Variants in ZEB1 observed in about 807,000 individuals in gnomAD.
ZEB1 encodes the protein zinc finger E-box-binding homeobox 1.
In ZEB1, 21 loss-of-function variants were observed where a neutral mutation model predicts 84.9. That is an observed-to-expected ratio of 0.25 (90% confidence interval 0.18 to 0.36). The LOEUF is 0.36. Ranked by LOEUF, ZEB1 falls within the 10% of genes least tolerant of loss-of-function variation. The pLI is 1.00. For missense variants in ZEB1, 1,104 were observed against 1,330.2 expected, an observed-to-expected ratio of 0.83 and a Z score of 2.65; for synonymous variants, 420 against 471.1, an observed-to-expected ratio of 0.89 and a Z score of 1.41.
chr10:31,473,282 G>T (rs1359540721), intron 2 of ZEB1, among the ~76,000 whole-genome samples: 7 of 148,844 alleles, frequency 4.7e-5, no homozygotes, highest in African/African-American at 1.2e-4. Context: ...CCTGTTTGCA[G>T]ACGACATGAT....
intron 1 of ZEB1, among the ~76,000 whole-genome samples, chr10:31,457,683 TG>T: frequency 6.6e-6 from 1 of 152,186 alleles, no homozygotes; most frequent in Admixed American, 6.5e-5. Context: ...TCCCAGAAAG[TG>T]ATAGGCAGTC....
chr10:31,398,065 T>C (rs889886305), intron 1 of ZEB1, among the ~76,000 whole-genome samples: 3 of 152,210 alleles, frequency 2.0e-5, no homozygotes, highest in Non-Finnish European at 4.4e-5. Context: ...AGTAATCTAC[T>C]TCAAAGAACT....
chr10:31,338,340 G>A (rs780030264), intron 1 of ZEB1, among the ~76,000 whole-genome samples: 22 of 152,090 alleles, frequency 1.4e-4, no homozygotes, highest in Non-Finnish European at 2.4e-4. Flanking sequence ...GCAACCCTAT[G>A]AGAAAGATCC....
chr10:31,441,365 T>G (rs929780055), intron 1 of ZEB1, among the ~76,000 whole-genome samples: 2 of 152,226 alleles, frequency 1.3e-5, no homozygotes, highest in Admixed American at 6.5e-5. Flanking sequence ...TGTGGAAAGC[T>G]GAAACTGGAT....
chr10:31,465,444 C>A (rs927435005), intron 2 of ZEB1, among the ~76,000 whole-genome samples: 12 of 150,850 alleles, frequency 8.0e-5, no homozygotes, highest in African/African-American at 2.9e-4. Context: ...AAAGATAAAC[C>A]ATGCGATTGC....
chr10:31,458,541 G>A (rs1053166660), intron 1 of ZEB1, among the ~76,000 whole-genome samples: 9 of 151,980 alleles, frequency 5.9e-5, no homozygotes, highest in African/African-American at 9.7e-5. Flanking sequence ...ATCTTGACAC[G>A]TATTTTCTCA....
At chr10:31,364,115 A>G (rs2043961511) in intron 1 of ZEB1, among the ~76,000 whole-genome samples, 1 of 152,172 alleles carries the variant, frequency 6.6e-6, no homozygotes, top group Admixed American at 6.5e-5. Context: ...TAAGTCACCC[A>G]CTTCTCTGTG....
chr10:31,453,380 A>G (rs1048728337), intron 1 of ZEB1, among the ~76,000 whole-genome samples: 5 of 152,174 alleles, frequency 3.3e-5, no homozygotes, highest in African/African-American at 4.8e-5. Context: ...ATTCCAAGTC[A>G]CAATAAATGA....
chr10:31,521,764 A>C lies in ZEB1; in HGVS notation c.2432A>C (p.Gln811Pro), dbSNP rs199944415. The C allele has an allele frequency of 4.9e-5, 79 of 1,613,972 alleles. No homozygotes were observed. Among genetic ancestry groups the C allele is most frequent in the Non-Finnish European group, 6.3e-5 (74 of 1,179,992 alleles). The change falls in exon 7 of 9, where the codon CAG (glutamine) becomes CCG (proline). Residue 811 changes from glutamine to proline, a missense_variant. By Grantham distance (76) the Gln-to-Pro change is moderately conservative. Transcript: ENST00000424869. ...ATCGCTATACCTACAGTCACTGCCC[A>C]GTTACCCACAATCGTGGCCATTGCT... ...INIAIPTVTA[Q>P]LPTIVAIADQ...
chr10:31,337,836 C>G (rs1205770201), intron 1 of ZEB1, among the ~76,000 whole-genome samples: 3 of 151,956 alleles, frequency 2.0e-5, no homozygotes, highest in Admixed American at 2.0e-4. Context: ...AGGCACCCAC[C>G]ACCACGCTGG....
intron 1 of ZEB1, chr10:31,363,083 G>T: frequency 6.5e-7 from 1 of 1,534,010 alleles, no homozygotes; most frequent in South Asian, 1.2e-5. Flanking sequence ...TTTCTTTTGT[G>T]GGACCTGTGG....
At chr10:31,526,591 A>C (rs1034802568) in intron 8 of ZEB1, 81 bp from the exon 9 acceptor site, 7 of 1,542,412 alleles carry the variant, frequency 4.5e-6, no homozygotes, top group Non-Finnish European at 6.2e-6. Flanking sequence ...CCTTTCTACA[A>C]CATGAAGTAC....
intron 1 of ZEB1, among the ~76,000 whole-genome samples, chr10:31,344,085 TATC>T (rs2039872444): frequency 6.6e-6 from 1 of 152,124 alleles, no homozygotes; most frequent in South Asian, 2.1e-4. Flanking sequence ...ATCCTGGTGA[TATC>T]ATACATAAAT....
intron 1 of ZEB1, among the ~76,000 whole-genome samples, chr10:31,391,398 T>C (rs1347796183): frequency 6.6e-6 from 1 of 152,036 alleles, no homozygotes; most frequent in Admixed American, 6.6e-5. Flanking sequence ...TTCCTCACTC[T>C]AAGAAGGAAG....
At chr10:31,431,089 C>T (rs898907592) in intron 1 of ZEB1, among the ~76,000 whole-genome samples, 1 of 152,138 alleles carries the variant, frequency 6.6e-6, no homozygotes. Context: ...AAATTTTCTT[C>T]TGTTTCCAAA....
chr10:31,366,623 T>C (rs909869535), intron 1 of ZEB1, among the ~76,000 whole-genome samples: 2 of 152,196 alleles, frequency 1.3e-5, no homozygotes, highest in African/African-American at 4.8e-5. Context: ...TGGCAAATAT[T>C]CAACGTACTG....
intron 1 of ZEB1, among the ~76,000 whole-genome samples, chr10:31,343,985 A>C (rs1419545262): frequency 6.6e-6 from 1 of 152,060 alleles, no homozygotes; most frequent in African/African-American, 2.4e-5. Context: ...TTCTTGGGGA[A>C]GGGGTGACAT....
intron 2 of ZEB1, among the ~76,000 whole-genome samples, chr10:31,463,820 T>C (rs1457575494): frequency 6.6e-6 from 1 of 152,182 alleles, no homozygotes; most frequent in Non-Finnish European, 1.5e-5. Flanking sequence ...CACAAGTCTT[T>C]TGGAGAAATA....
chr10:31,319,484 C>T, intron 1 of ZEB1, 192 bp downstream of exon 1: 1 of 617,974 alleles, frequency 1.6e-6, no homozygotes. Flanking sequence ...GCCGCGGCCG[C>T]TCGCTCTCCC....
Sources: gnomAD v4.1 joint callset for allele counts (sites outside exome capture counted in the v4.1 genomes callset) on GRCh38, gnomAD v4.1.1 for gene constraint, MANE v1.5 for transcripts, NCBI Gene and HGNC (gene_info 2026-07-23, HGNC 2026-07-21) for gene names.